PLPPR1: variants seen among roughly 807,000 people sequenced by gnomAD.
PLPPR1 encodes phospholipid phosphatase related 1, also known as phospholipid phosphatase-related protein type 1.
In PLPPR1, 10 loss-of-function variants were observed where a neutral mutation model predicts 33.1. The ratio of observed to expected loss-of-function variants is 0.30; its 90% CI spans 0.19 to 0.51. PLPPR1 has a LOEUF of 0.51. Among genes scored for constraint, PLPPR1 ranks in the 20% least tolerant of loss-of-function variants. The pLI is 0.97. For missense variants in PLPPR1, 304 were observed against 408.1 expected, an observed-to-expected ratio of 0.74 and a Z score of 2.20; for synonymous variants, 151 against 151.0, an observed-to-expected ratio of 1.00 and a Z score of 0.00.
At chr9:101,150,021 T>C (rs1436457848) in intron 1 of PLPPR1, among the ~76,000 whole-genome samples, 3 of 152,160 alleles carry the variant, frequency 2.0e-5, no homozygotes, top group Non-Finnish European at 4.4e-5. Flanking sequence ...TTTAAGCCTC[T>C]TCACTGTATC....
At chr9:101,238,351 G>GTATATATATA (rs1178770788) in intron 2 of PLPPR1, among the ~76,000 whole-genome samples, 2 of 135,326 alleles carry the variant, frequency 1.5e-5, no homozygotes, top group South Asian at 4.8e-4. Flanking sequence ...ATATAGAGGT[G>GTATATATATA]TATATATATA....
At chr9:101,107,824 C>G (rs1458457273) in intron 1 of PLPPR1, among the ~76,000 whole-genome samples, 23 of 149,848 alleles carry the variant, frequency 1.5e-4, no homozygotes, top group Admixed American at 4.6e-4. Context: ...AGGACCCTCT[C>G]AGCCAGGTGT....
At chr9:101,121,359 A>T (rs1017099528) in intron 1 of PLPPR1, among the ~76,000 whole-genome samples, 6 of 152,148 alleles carry the variant, frequency 3.9e-5, no homozygotes, top group African/African-American at 1.2e-4. Flanking sequence ...AAAGAAACTG[A>T]GACTCAGAGC....
At chr9:101,087,892 C>T (rs770256223) in intron 1 of PLPPR1, among the ~76,000 whole-genome samples, 2 of 152,176 alleles carry the variant, frequency 1.3e-5, no homozygotes, top group Non-Finnish European at 2.9e-5. Flanking sequence ...AATCACCAAT[C>T]ATTCCTTTAA....
At chr9:101,085,485 A>G (rs147408681) in intron 1 of PLPPR1, among the ~76,000 whole-genome samples, 1 of 152,296 alleles carries the variant, frequency 6.6e-6, no homozygotes, top group Non-Finnish European at 1.5e-5. Context: ...TACAGAGCAC[A>G]TGGCCAGATG....
chr9:101,247,593 C>T (rs1827634232), intron 2 of PLPPR1, among the ~76,000 whole-genome samples: 1 of 152,034 alleles, frequency 6.6e-6, no homozygotes, highest in Admixed American at 6.6e-5. Flanking sequence ...GGGTAGTAGT[C>T]TGGTATTACC....
chr9:101,178,021 A>C (rs2118702044), intron 1 of PLPPR1, among the ~76,000 whole-genome samples: 1 of 152,336 alleles, frequency 6.6e-6, no homozygotes, highest in South Asian at 2.1e-4. Flanking sequence ...GACATCACTA[A>C]TGTGGAGGGA....
intron 1 of PLPPR1, among the ~76,000 whole-genome samples, chr9:101,160,654 G>C (rs894760070): frequency 1.3e-5 from 2 of 152,078 alleles, no homozygotes; most frequent in African/African-American, 4.8e-5. Flanking sequence ...GCTCAGGTTT[G>C]ATGGAGAGCA....
Position 101,098,714 on chromosome 9 carries a change from A to G in PLPPR1, c.-46+69612A>G, listed in dbSNP as rs547797266. On this transcript the variant is annotated intron_variant, in intron 1 of 7. Transcript: ENST00000374874. The stretch of plus-strand genomic sequence containing the variant: ...AAATAGGAAAAGTGTATTTAATGTA[A>G]ATGTCAAGGATCAAGTGTGTGGTTC... Among the ~76,000 whole-genome samples the G allele has an allele frequency of 1.1e-4, 16 of 152,266 alleles. No homozygotes were observed. The South Asian group carries it at 2.5e-3, about 24-fold the overall frequency.
chr9:101,236,326 G>A (rs1351223210), intron 2 of PLPPR1, among the ~76,000 whole-genome samples: 1 of 151,654 alleles, frequency 6.6e-6, no homozygotes, highest in Non-Finnish European at 1.5e-5. Flanking sequence ...AACTTTTGCT[G>A]TAACAAATCT....
At chr9:101,238,466 GAA>G (rs1294637073) in intron 2 of PLPPR1, among the ~76,000 whole-genome samples, 1 of 149,912 alleles carries the variant, frequency 6.7e-6, no homozygotes, top group Non-Finnish European at 1.5e-5. Context: ...AAGAATGAAA[GAA>G]AGTCTTTTAG....
intron 2 of PLPPR1, among the ~76,000 whole-genome samples, chr9:101,198,313 A>T (rs1290565969): frequency 1.3e-5 from 2 of 152,160 alleles, no homozygotes; most frequent in African/African-American, 4.8e-5. Flanking sequence ...TTAGAGCTAC[A>T]TGGGGCCTTA....
Position 101,185,543 on chromosome 9 carries a change from T to C in PLPPR1, c.49T>C (p.Phe17Leu). 6.2e-7 allele frequency: 1 copy of C among 1,607,886 alleles called. No homozygotes were observed. ...ACGAAGTTATTCCATCATCCCGTGT[T>C]TTATATTTGTTGAGGTATGTGTATT... Reference protein sequence around the residue: ...TQRSYSIIPCFIFVELVIMAG... With the variant: ...TQRSYSIIPCLIFVELVIMAG... Residue 17 changes from phenylalanine to leucine, a missense_variant, in exon 2 of 8, where the codon TTT becomes CTT. By Grantham distance (22) the Phe-to-Leu change is conservative. Transcript: ENST00000374874.
At chr9:101,280,338 C>T (rs1828275251) in intron 3 of PLPPR1, among the ~76,000 whole-genome samples, 1 of 152,116 alleles carries the variant, frequency 6.6e-6, no homozygotes, top group Non-Finnish European at 1.5e-5. Context: ...GATGGTTTCA[C>T]TATTGAATTT....
intron 6 of PLPPR1, among the ~76,000 whole-genome samples, chr9:101,314,670 G>A (rs568734029): frequency 5.3e-5 from 8 of 151,394 alleles, no homozygotes; most frequent in South Asian, 2.1e-4. Flanking sequence ...AAGTGTTGAC[G>A]CAGACACAAA....
chr9:101,133,109 G>A (rs1588041473), intron 1 of PLPPR1, among the ~76,000 whole-genome samples: 1 of 152,146 alleles, frequency 6.6e-6, no homozygotes, highest in Admixed American at 6.5e-5. Context: ...GGAATAAAAT[G>A]ATTTTTTTCT....
intron 2 of PLPPR1, among the ~76,000 whole-genome samples, chr9:101,250,146 A>T (rs1827690812): frequency 6.6e-6 from 1 of 152,072 alleles, no homozygotes; most frequent in South Asian, 2.1e-4. Context: ...GGAAGAGCAC[A>T]AAACAGAAGA....
At chr9:101,275,409 C>T (rs1220217362) in intron 3 of PLPPR1, among the ~76,000 whole-genome samples, 1 of 152,212 alleles carries the variant, frequency 6.6e-6, no homozygotes, top group Non-Finnish European at 1.5e-5. Flanking sequence ...CAGAAAAGAT[C>T]AGCATCATAT....
intron 7 of PLPPR1, among the ~76,000 whole-genome samples, chr9:101,319,641 T>C (rs1829117442): frequency 6.6e-6 from 1 of 152,358 alleles, no homozygotes; most frequent in African/African-American, 2.4e-5. Context: ...CTGGTTTATT[T>C]ATATACAGCC....
Sources: gnomAD v4.1 joint callset for allele counts (sites outside exome capture counted in the v4.1 genomes callset) on GRCh38, gnomAD v4.1.1 for gene constraint, MANE v1.5 for transcripts, NCBI Gene and HGNC (gene_info 2026-07-23, HGNC 2026-07-21) for gene names.